Variants in PPFIA2 observed in about 807,000 individuals in gnomAD.
PPFIA2 encodes the protein PPFI scaffold protein A2, also known as liprin-alpha-2.
A neutral mutation model predicts 175.5 loss-of-function variants in PPFIA2; 46 were observed. That is an observed-to-expected ratio of 0.26 (90% CI 0.21 to 0.34). The LOEUF is 0.34. PPFIA2 is among the 10% of genes least tolerant of loss of function. PPFIA2 has a pLI of 1.00. For missense variants in PPFIA2, 1,179 were observed against 1,506.1 expected (o/e 0.78, Z 3.60); for synonymous variants, 568 against 511.4 (o/e 1.11, Z -1.49).
In PPFIA2 at chr12:81,457,857, C is replaced by A. The variant is rs373381626; in HGVS notation, c.313G>T (p.Ala105Ser). The A allele has an allele frequency of 2.5e-6, 4 of 1,578,440 alleles. No homozygotes were observed. Among genetic ancestry groups the A allele is most frequent in the Non-Finnish European group, 3.4e-6 (4 of 1,164,074 alleles). ...SKGADPPEFA[A>S]LTKELNACRE... ...CAGGCATTTAATTCTTTTGTCAGTG[C>A]AGCAAATTCCTGGAAAAGTAATAAA... Residue 105 changes from alanine (A) to serine (S), a missense_variant, in exon 5 of 33, where the codon GCA (alanine) becomes TCA (serine). Coordinates refer to ENST00000549396, the MANE Select transcript of PPFIA2 (RefSeq NM_003625.5).
At chr12:81,493,768 A>C (rs920914656) in intron 4 of PPFIA2, among the ~76,000 whole-genome samples, 10 of 132,408 alleles carry the variant, frequency 7.6e-5, no homozygotes, top group Non-Finnish European at 4.7e-5. Flanking sequence ...ATATATATAT[A>C]TATATATATA....
At chr12:81,684,499 A>T (rs1487312296) in intron 3 of PPFIA2, among the ~76,000 whole-genome samples, 1 of 152,160 alleles carries the variant, frequency 6.6e-6, no homozygotes, top group Non-Finnish European at 1.5e-5. Flanking sequence ...CAATTATTGA[A>T]TGAATGATGT....
intron 4 of PPFIA2, among the ~76,000 whole-genome samples, chr12:81,644,890 T>C (rs2065844623): frequency 6.6e-6 from 1 of 152,038 alleles, no homozygotes; most frequent in African/African-American, 2.4e-5. Context: ...GCTAAAAGTA[T>C]AAAACATTTT....
At chr12:81,336,278 T>A (rs1457296375) in intron 21 of PPFIA2, among the ~76,000 whole-genome samples, 2 of 152,152 alleles carry the variant, frequency 1.3e-5, no homozygotes, top group Non-Finnish European at 2.9e-5. Context: ...TTCTGTTAGG[T>A]TTATTCAATT....
At chr12:81,475,395 T>C (rs914532417) in intron 4 of PPFIA2, among the ~76,000 whole-genome samples, 2 of 152,216 alleles carry the variant, frequency 1.3e-5, no homozygotes, top group East Asian at 1.9e-4. Flanking sequence ...ATGGCATATA[T>C]GTTTCATTAT....
chr12:81,338,203 C>G (rs1256250075), intron 21 of PPFIA2, among the ~76,000 whole-genome samples: 1 of 152,058 alleles, frequency 6.6e-6, no homozygotes, highest in East Asian at 1.9e-4. Context: ...AATTATTACT[C>G]TATTTGAGAA....
At chr12:81,557,415 G>A (rs967462957) in intron 4 of PPFIA2, among the ~76,000 whole-genome samples, 21 of 151,760 alleles carry the variant, frequency 1.4e-4, no homozygotes, top group Non-Finnish European at 4.4e-5. Flanking sequence ...TATCTTAAAT[G>A]GATATTTATA....
intron 4 of PPFIA2, among the ~76,000 whole-genome samples, chr12:81,644,964 T>G (rs1274677795): frequency 1.8e-5 from 1 of 56,758 alleles, no homozygotes; most frequent in East Asian, 6.1e-4. Flanking sequence ...ATAGTAGCCA[T>G]AAACAAAAAC....
chr12:81,318,072 T>G (rs1375854579), intron 22 of PPFIA2, among the ~76,000 whole-genome samples: 1 of 151,716 alleles, frequency 6.6e-6, no homozygotes, highest in African/African-American at 2.4e-5. Context: ...ACTTCTGGCC[T>G]AAGGTCTTAT....
chr12:81,393,075 A>C (rs2040449610), intron 8 of PPFIA2, among the ~76,000 whole-genome samples: 1 of 152,012 alleles, frequency 6.6e-6, no homozygotes, highest in African/African-American at 2.4e-5. Flanking sequence ...TCATTCTTAT[A>C]GCAGTCAGAC....
At chr12:81,496,766 T>C (rs1182355641) in intron 4 of PPFIA2, among the ~76,000 whole-genome samples, 1 of 152,174 alleles carries the variant, frequency 6.6e-6, no homozygotes, top group African/African-American at 2.4e-5. Flanking sequence ...TGAGTAAATG[T>C]ATAGCATGGG....
chr12:81,407,154 C>T (rs1192316164), intron 7 of PPFIA2, among the ~76,000 whole-genome samples: 1 of 152,170 alleles, frequency 6.6e-6, no homozygotes, highest in Non-Finnish European at 1.5e-5. Context: ...ATCTTTCAAA[C>T]TTAAATTAGA....
intron 3 of PPFIA2, among the ~76,000 whole-genome samples, chr12:81,705,083 T>TAAAAA (rs557079067): frequency 3.1e-4 from 10 of 32,368 alleles, no homozygotes; most frequent in African/African-American, 7.7e-4. Context: ...AAACTCTGTC[T>TAAAAA]AAAAAAAAAA....
At chr12:81,699,330 T>C (rs948243713) in intron 3 of PPFIA2, among the ~76,000 whole-genome samples, 3 of 151,932 alleles carry the variant, frequency 2.0e-5, no homozygotes, top group Non-Finnish European at 2.9e-5. Context: ...TTGATAAATA[T>C]ATTAATACAT....
intron 4 of PPFIA2, among the ~76,000 whole-genome samples, chr12:81,665,946 C>A (rs1033876120): frequency 1.7e-4 from 26 of 151,876 alleles, no homozygotes; most frequent in Non-Finnish European, 3.7e-4. Context: ...AACAAGTGGG[C>A]GAAGGATATG....
At chr12:81,400,941 G>T (rs565240211) in intron 8 of PPFIA2, among the ~76,000 whole-genome samples, 1 of 152,092 alleles carries the variant, frequency 6.6e-6, no homozygotes, top group Non-Finnish European at 1.5e-5. Flanking sequence ...TACATGACAC[G>T]TATAAAAATT....
chr12:81,607,778 C>G (rs1373854388), intron 4 of PPFIA2, among the ~76,000 whole-genome samples: 2 of 151,898 alleles, frequency 1.3e-5, no homozygotes, highest in Non-Finnish European at 2.9e-5. Context: ...ATTTGGATGC[C>G]TTTTATTTCT....
intron 22 of PPFIA2, among the ~76,000 whole-genome samples, chr12:81,312,876 A>T (rs1483514680): frequency 6.6e-6 from 1 of 152,162 alleles, no homozygotes; most frequent in East Asian, 1.9e-4. Context: ...AGAACATAAG[A>T]AAGTGTAAAA....
chr12:81,672,229 T>C (rs1326774697), intron 4 of PPFIA2, among the ~76,000 whole-genome samples: 2 of 152,048 alleles, frequency 1.3e-5, no homozygotes, highest in South Asian at 2.1e-4. Context: ...TTCAGATTAA[T>C]ATTATTTTAT....
Sources: allele counts gnomAD v4.1 joint callset (sites outside exome capture counted in the v4.1 genomes callset), GRCh38; gene constraint gnomAD v4.1.1; transcripts MANE v1.5; gene names NCBI Gene and HGNC (gene_info 2026-07-23, HGNC 2026-07-21).